Variants in JPH1 observed in about 807,000 individuals in gnomAD.
JPH1 encodes the protein junctophilin 1.
JPH1 carries 12 observed loss-of-function variants against 53.6 expected under a neutral mutation model. That is an observed-to-expected ratio of 0.22 (90% CI 0.14 to 0.36). The LOEUF (loss-of-function observed/expected upper bound fraction) is 0.36, where lower values mean the gene tolerates loss of function less well. JPH1 is among the 10% of genes least tolerant of loss of function. The pLI is 1.00. For synonymous variants in JPH1, 375 were observed against 363.8 expected (o/e 1.03, Z -0.35); for missense variants, 808 against 905.5 (o/e 0.89, Z 1.38).
chr8:74,314,745 T>A (rs1241955506), intron 2 of JPH1, 116 bp downstream of exon 2: 2 of 1,209,746 alleles, frequency 1.7e-6, no homozygotes, highest in South Asian at 1.3e-5. Flanking sequence ...CACCTTTGAT[T>A]TTTTAGTAGT....
intron 2 of JPH1, among the ~76,000 whole-genome samples, chr8:74,286,341 G>A (rs1243185229): frequency 1.3e-5 from 2 of 152,186 alleles, no homozygotes; most frequent in Non-Finnish European, 2.9e-5. Context: ...ATGTTTCAAT[G>A]AGTGTATACA....
chr8:74,244,516 T>A lies in JPH1; in HGVS notation c.1905+13A>T. ...GGAAGAAAGAAAGAGAAAACGCTAC[T>A]TGCAGTACTTACTGAATTGGCTTCT... On this transcript the variant is annotated intron_variant, in intron 4 of 5. Transcript: ENST00000342232. The A allele has an allele frequency of 6.3e-7, 1 of 1,588,748 alleles. No homozygotes were observed. Among genetic ancestry groups the A allele is most frequent in the Admixed American group, 1.8e-5 (1 of 56,678 alleles).
intron 3 of JPH1, among the ~76,000 whole-genome samples, chr8:74,256,095 A>G (rs1259271163): frequency 6.6e-6 from 1 of 152,224 alleles, no homozygotes; most frequent in Non-Finnish European, 1.5e-5. Flanking sequence ...ATGCACACGT[A>G]TGTTTATTGC....
rs1421541864 is a variant in JPH1 at position 74,240,872 on chromosome 8, T to A, written c.1906-3569A>T. ...CCCATTTCATAAATCCATATAAGAT[T>A]CTGTGAATTTATCTAACCCCTTTGA... On this transcript the variant is annotated intron_variant, in intron 4 of 5. Coordinates refer to ENST00000342232, the MANE Select transcript of JPH1 (RefSeq NM_020647.4). 3.3e-5 allele frequency among the ~76,000 whole-genome samples: 5 copies of A among 152,164 alleles called. No individual in the cohort carries two copies. In the East Asian group the frequency reaches 9.6e-4, roughly 29 times the overall value.
intron 3 of JPH1, among the ~76,000 whole-genome samples, chr8:74,252,879 C>A (rs567568598): frequency 6.6e-6 from 1 of 152,040 alleles, no homozygotes; most frequent in Non-Finnish European, 1.5e-5. Context: ...CAGGAGCACC[C>A]AGATTCATAA....
intron 3 of JPH1, among the ~76,000 whole-genome samples, chr8:74,250,136 ATTT>A (rs573206811): frequency 4.2e-5 from 6 of 143,016 alleles, no homozygotes; most frequent in African/African-American, 1.3e-4. Context: ...GACTAAAAGG[ATTT>A]TTTTTTTTTT....
intron 2 of JPH1, among the ~76,000 whole-genome samples, chr8:74,260,061 T>C (rs1182658258): frequency 6.6e-6 from 1 of 152,192 alleles, no homozygotes; most frequent in Non-Finnish European, 1.5e-5. Flanking sequence ...ATAATGCCGT[T>C]GGATGTGCAG....
chr8:74,299,499 G>C (rs950185588), intron 2 of JPH1, among the ~76,000 whole-genome samples: 1 of 152,098 alleles, frequency 6.6e-6, no homozygotes, highest in East Asian at 1.9e-4. Context: ...GGCAAATGAC[G>C]AGCTGTAGCC....
At chr8:74,288,910 T>A (rs1807245025) in intron 2 of JPH1, among the ~76,000 whole-genome samples, 1 of 152,246 alleles carries the variant, frequency 6.6e-6, no homozygotes, top group African/African-American at 2.4e-5. Flanking sequence ...CTTGTAGATA[T>A]TTTAAGTATG....
chr8:74,313,652 G>A (rs1041276361), intron 2 of JPH1, among the ~76,000 whole-genome samples: 152 of 151,300 alleles, frequency 1.0e-3, no homozygotes, highest in African/African-American at 3.6e-3. Context: ...ATTTCATATG[G>A]CTCCATCAAA....
chr8:74,252,581 T>C (rs182519929), intron 3 of JPH1, among the ~76,000 whole-genome samples: 30 of 152,202 alleles, frequency 2.0e-4, no homozygotes, highest in Middle Eastern at 3.4e-3. Flanking sequence ...AATGCTCCAA[T>C]TGAAAGGCAC....
intron 2 of JPH1, among the ~76,000 whole-genome samples, chr8:74,285,678 G>A (rs145334955): frequency 1.4e-4 from 21 of 152,250 alleles, no homozygotes; most frequent in African/African-American, 5.1e-4. Flanking sequence ...CTGATTACTT[G>A]GTGTGCTCAG....
intron 2 of JPH1, among the ~76,000 whole-genome samples, chr8:74,280,626 G>A (rs776844838): frequency 3.3e-5 from 5 of 152,060 alleles, no homozygotes; most frequent in African/African-American, 7.2e-5. Context: ...GAAAGACGGC[G>A]ACACATTGTC....
intron 2 of JPH1, among the ~76,000 whole-genome samples, chr8:74,287,905 A>C (rs540907166): frequency 6.6e-6 from 1 of 152,200 alleles, no homozygotes; most frequent in South Asian, 2.1e-4. Flanking sequence ...CAAACTAAAG[A>C]GAAAACATCT....
chr8:74,296,109 T>C (rs1222571767), intron 2 of JPH1, among the ~76,000 whole-genome samples: 1 of 151,112 alleles, frequency 6.6e-6, no homozygotes, highest in South Asian at 2.1e-4. Flanking sequence ...ATACTGCCTA[T>C]TCTAAATCTC....
intron 2 of JPH1, among the ~76,000 whole-genome samples, chr8:74,281,731 A>C (rs1807022313): frequency 6.6e-6 from 1 of 152,098 alleles, no homozygotes; most frequent in South Asian, 2.1e-4. Flanking sequence ...CTCATTCCAC[A>C]ACTATCCCCT....
At position 74,244,801 on chromosome 8, in the gene JPH1, C is replaced by T. The variant is rs757031830; in HGVS notation, c.1633G>A (p.Glu545Lys). ...RHHIPNPSNG[E>K]LHSQYHGYYV... ...TAGCCGTGATACTGAGAATGCAGCTCCCCGTTACTGGGGTTGGGGATGTGG... is the reference window on the plus strand; with the variant it reads ...TAGCCGTGATACTGAGAATGCAGCTTCCCGTTACTGGGGTTGGGGATGTGG... The change falls in exon 4 of 6, where the codon GAG becomes AAG. Residue 545 changes from glutamate to lysine, a missense_variant. Glu to Lys is a moderately conservative substitution (Grantham distance 56). Transcript: ENST00000342232. 3.1e-6 allele frequency: 5 copies of T among 1,614,170 alleles called. No individual in the cohort carries two copies. Among genetic ancestry groups the T allele is most frequent in the Non-Finnish European group, 4.2e-6 (5 of 1,180,034 alleles).
chr8:74,284,045 G>A (rs896985584), intron 2 of JPH1, among the ~76,000 whole-genome samples: 1 of 152,086 alleles, frequency 6.6e-6, no homozygotes, highest in Non-Finnish European at 1.5e-5. Context: ...CTTGGACCCA[G>A]GAGTCCTCCT....
chr8:74,295,229 A>T (rs1349930626), intron 2 of JPH1, among the ~76,000 whole-genome samples: 4 of 152,080 alleles, frequency 2.6e-5, no homozygotes, highest in Non-Finnish European at 5.9e-5. Flanking sequence ...GGTTCCTCTA[A>T]GTGATTAGGG....
Sources: gnomAD v4.1 joint callset for allele counts (sites outside exome capture counted in the v4.1 genomes callset) on GRCh38, gnomAD v4.1.1 for gene constraint, MANE v1.5 for transcripts, NCBI Gene and HGNC (gene_info 2026-07-23, HGNC 2026-07-21) for gene names.